The following DMD variants were observed in gnomAD, a reference collection of about 807,000 sequenced individuals.
The protein encoded by DMD is mutant dystrophin.
Under a neutral mutation model 330.1 loss-of-function variants are expected in DMD, and 63 were observed. The ratio of observed to expected loss-of-function variants is 0.19; its 90% CI spans 0.16 to 0.24. DMD has a LOEUF of 0.24. Among genes scored for constraint, DMD ranks in the 10% least tolerant of loss-of-function variants. The pLI is 1.00. For synonymous variants in DMD, 1,223 were observed against 959.8 expected (o/e 1.27, Z -5.07); for missense variants, 3,344 against 2,684.1 (o/e 1.25, Z -5.43).
intron 43 of DMD, among the ~76,000 whole-genome samples, chrX:32,273,872 C>G (rs1295941456): frequency 8.9e-6 from 1 of 112,061 alleles, no homozygotes; most frequent in East Asian, 2.8e-4. Context: ...AAATAGGCTT[C>G]TCTTTTATTT....
At chrX:32,168,907 C>T (rs976180764) in intron 44 of DMD, among the ~76,000 whole-genome samples, 7 of 111,997 alleles carry the variant, frequency 6.3e-5, no homozygotes, top group African/African-American at 9.7e-5. Flanking sequence ...CATAGTTCGT[C>T]TGTCCACATC....
intron 51 of DMD, among the ~76,000 whole-genome samples, chrX:31,756,500 G>A (rs975456284): frequency 1.2e-4 from 13 of 112,441 alleles, no homozygotes; most frequent in Admixed American, 3.8e-4. Flanking sequence ...GCGCATGCAC[G>A]CGCACATATG....
At chrX:32,071,328 T>G (rs1417018217) in intron 44 of DMD, among the ~76,000 whole-genome samples, 1 of 109,581 alleles carries the variant, frequency 9.1e-6, no homozygotes, top group Non-Finnish European at 1.9e-5. Context: ...CAGCACCTGT[T>G]GTTTCCTGAT....
chrX:32,406,153 C>T (rs1268622281), intron 30 of DMD, among the ~76,000 whole-genome samples: 2 of 111,427 alleles, frequency 1.8e-5, no homozygotes, highest in African/African-American at 6.5e-5. Flanking sequence ...AGATTTTGGG[C>T]TGAGACAATG....
intron 44 of DMD, among the ~76,000 whole-genome samples, chrX:32,204,338 A>G (rs995450647): frequency 1.8e-5 from 2 of 112,532 alleles, no homozygotes; most frequent in African/African-American, 3.2e-5. Context: ...TCAAAATCAC[A>G]TGAAGTCATA....
intron 55 of DMD, among the ~76,000 whole-genome samples, chrX:31,511,437 T>G (rs1298512090): frequency 1.0e-5 from 1 of 100,469 alleles, no homozygotes; most frequent in Non-Finnish European, 2.0e-5. Context: ...ACCCACTAAC[T>G]CATCATCTAG....
In DMD at chrX:32,671,761, T is replaced by C. The variant is rs17271696; in HGVS notation, c.960+26109A>G. 5.8e-3 allele frequency among the ~76,000 whole-genome samples: 646 copies of C among 111,996 alleles called. 10 individuals are homozygous for C. The East Asian group carries it at 0.087, about 15-fold the overall frequency. ...CTATGGTTTGTTTCTGTAAATTCTA[T>C]AGTACACATTTAAGACCAGTCATCT... On this transcript the variant is annotated intron_variant, in intron 9 of 78. Coordinates refer to ENST00000357033, the MANE Select transcript of DMD (RefSeq NM_004006.3).
intron 62 of DMD, among the ~76,000 whole-genome samples, chrX:31,308,731 A>C (rs1402134510): frequency 9.4e-6 from 1 of 106,424 alleles, no homozygotes; most frequent in Non-Finnish European, 1.9e-5. Context: ...TTTGTGTGTG[A>C]TTTTTTTTTT....
At chrX:32,728,654 G>A (rs1395802534) in intron 7 of DMD, among the ~76,000 whole-genome samples, 1 of 112,091 alleles carries the variant, frequency 8.9e-6, no homozygotes, top group African/African-American at 3.2e-5. Flanking sequence ...GATAGTTATG[G>A]TATTAATTGA....
chrX:32,959,994 A>C, intron 2 of DMD, among the ~76,000 whole-genome samples: 1 of 111,735 alleles, frequency 8.9e-6, no homozygotes, highest in Middle Eastern at 4.6e-3. Flanking sequence ...ATGTCTAGAA[A>C]ACTTCTTAAC....
chrX:32,492,073 C>G (rs1350622491), intron 19 of DMD, among the ~76,000 whole-genome samples: 2 of 112,175 alleles, frequency 1.8e-5, no homozygotes, highest in Non-Finnish European at 3.8e-5. Context: ...GGCACGGTGG[C>G]TCATGCCTAT....
rs143792789 is a variant in DMD, at chrX:31,640,858, G to A, written c.8028-12996C>T. Among the ~76,000 whole-genome samples the A allele has an allele frequency of 2.0e-3, 221 of 112,194 alleles. 3 individuals carry two copies. Among genetic ancestry groups the A allele is most frequent in the African/African-American group, 6.6e-3 (205 of 30,916 alleles). On this transcript the variant is annotated intron_variant, in intron 54 of 78. Coordinates refer to ENST00000357033, the MANE Select transcript of DMD (RefSeq NM_004006.3). ...AGTTTGCACACACTATGGGAAAAAT[G>A]GAAAGTGACAAGGTAACCATGCTTC...
rs147057090 is a variant in DMD, at chrX:32,435,773, C to G, written c.4071+2468G>C. On this transcript the variant is annotated intron_variant, in intron 29 of 78. Coordinates refer to ENST00000357033, the MANE Select transcript of DMD (RefSeq NM_004006.3). ...ATGGAATGCCCAGTAAGGCTCACCT[C>G]ATCCACCCCACTTTACCCAGAAGAC... Among the ~76,000 whole-genome samples, 530 of 111,272 alleles carry G rather than the reference C, an allele frequency of 4.8e-3. 5 individuals are homozygous for G. Among genetic ancestry groups the G allele is most frequent in the African/African-American group, 0.016 (503 of 30,572 alleles).
chrX:31,418,662 T>C (rs1327213102), intron 60 of DMD, among the ~76,000 whole-genome samples: 1 of 112,433 alleles, frequency 8.9e-6, no homozygotes, highest in East Asian at 2.8e-4. Context: ...CACTTATATG[T>C]GCTCACTTCC....
chrX:32,559,296 C>G (rs994286597), intron 16 of DMD, among the ~76,000 whole-genome samples: 2 of 110,935 alleles, frequency 1.8e-5, no homozygotes, highest in African/African-American at 6.6e-5. Context: ...AGGAATTACC[C>G]AAAACATGTT....
intron 33 of DMD, 113 bp from the exon 34 acceptor site, chrX:32,380,793 C>T: frequency 3.3e-6 from 2 of 601,898 alleles, no homozygotes; most frequent in Non-Finnish European, 5.1e-6. Flanking sequence ...TATTTTCTTA[C>T]ACGTTTTAAA....
In DMD at chrX:33,051,641, G is replaced by T. The variant is rs1257486286; in HGVS notation, c.32-31441C>A. Among the ~76,000 whole-genome samples, 6 of 87,519 alleles carry T rather than the reference G, an allele frequency of 6.9e-5. No individual in the cohort carries two copies. The South Asian group carries it at 2.2e-3, about 32-fold the overall frequency. The allele number at this position is 87,519 out of a possible 115,157, so 76.0% of individuals were successfully genotyped here. A position where few individuals can be genotyped will look rare whatever the true frequency, so the allele number is the denominator to read the frequency against. On this transcript the variant is annotated intron_variant, in intron 1 of 78. Transcript: ENST00000357033. ...TAAAATAAGGAAAATATATAATTAC[G>T]CTCTATTTTTTTTTTTTTTTTTTTG... is the stretch of plus-strand genomic sequence containing the variant.
At chrX:32,426,168 G>A (rs1039822090) in intron 29 of DMD, among the ~76,000 whole-genome samples, 5 of 111,859 alleles carry the variant, frequency 4.5e-5, no homozygotes, top group Admixed American at 1.9e-4. Context: ...GAGTTCCTCT[G>A]TTGAACTCTG....
At chrX:32,656,016 C>G (rs2060542706) in intron 9 of DMD, among the ~76,000 whole-genome samples, 2 of 111,326 alleles carry the variant, frequency 1.8e-5, no homozygotes, top group East Asian at 2.8e-4. Flanking sequence ...AAAAATGGCT[C>G]TGGCAAAGAT....
Sources: gnomAD v4.1 joint callset for allele counts (sites outside exome capture counted in the v4.1 genomes callset) on GRCh38, gnomAD v4.1.1 for gene constraint, MANE v1.5 for transcripts, NCBI Gene and HGNC (gene_info 2026-07-23, HGNC 2026-07-21) for gene names.